Variants in AUTS2 observed in about 807,000 individuals in gnomAD.
AUTS2 encodes activator of transcription and developmental regulator AUTS2, also known as autism susceptibility gene 2 protein.
A neutral mutation model predicts 112.4 loss-of-function variants in AUTS2; 17 were observed. That is an observed-to-expected ratio of 0.15 (90% CI 0.10 to 0.23). The LOEUF (loss-of-function observed/expected upper bound fraction) is 0.23, where lower values mean the gene tolerates loss of function less well. Ranked by LOEUF, AUTS2 falls within the 10% of genes least tolerant of loss-of-function variation. AUTS2 has a pLI of 1.00. For synonymous variants in AUTS2, 751 were observed against 702.7 expected (o/e 1.07, Z -1.09); for missense variants, 1,510 against 1,701.6 (o/e 0.89, Z 1.98).
chr7:70,755,607 C>G (rs901393875), intron 6 of AUTS2, among the ~76,000 whole-genome samples: 1 of 151,770 alleles, frequency 6.6e-6, no homozygotes, highest in Non-Finnish European at 1.5e-5. Flanking sequence ...GAGGCAGAGG[C>G]TGCAGTGAGC....
intron 1 of AUTS2, among the ~76,000 whole-genome samples, chr7:69,862,501 C>T (rs1387073147): frequency 1.3e-5 from 2 of 151,952 alleles, no homozygotes; most frequent in Non-Finnish European, 2.9e-5. Context: ...GGTAAGTGTC[C>T]CTGTAGGATG....
At chr7:69,742,353 G>A (rs1337676098) in intron 1 of AUTS2, among the ~76,000 whole-genome samples, 1 of 151,984 alleles carries the variant, frequency 6.6e-6, no homozygotes, top group African/African-American at 2.4e-5. Flanking sequence ...CAGTTCTAGG[G>A]GGAAAGATTT....
intron 4 of AUTS2, among the ~76,000 whole-genome samples, chr7:70,306,743 T>A (rs185583751): frequency 5.9e-5 from 9 of 152,342 alleles, no homozygotes; most frequent in Non-Finnish European, 1.3e-4. Context: ...GTAATGAGGT[T>A]AAATTGTAGT....
chr7:70,263,204 A>C (rs965947165), intron 4 of AUTS2, among the ~76,000 whole-genome samples: 6 of 152,086 alleles, frequency 3.9e-5, no homozygotes, highest in African/African-American at 1.2e-4. Context: ...GAGTATTTGG[A>C]CCAAGTAGCA....
At chr7:70,273,425 A>G (rs941364942) in intron 4 of AUTS2, among the ~76,000 whole-genome samples, 1 of 152,136 alleles carries the variant, frequency 6.6e-6, no homozygotes, top group Non-Finnish European at 1.5e-5. Context: ...GACATACATA[A>G]TAAAATTTCT....
intron 5 of AUTS2, among the ~76,000 whole-genome samples, chr7:70,640,439 A>AC (rs1374914486): frequency 2.0e-5 from 3 of 151,312 alleles, no homozygotes; most frequent in African/African-American, 7.3e-5. Context: ...AAAAAAAAAA[A>AC]AAACCATAAA....
chr7:69,876,349 A>AAAAAAAATATATAT (rs1554396465), intron 1 of AUTS2, among the ~76,000 whole-genome samples: 1 of 29,494 alleles, frequency 3.4e-5, no homozygotes, highest in African/African-American at 1.5e-4. Context: ...AAAAAAAAAA[A>AAAAAAAATATATAT]ATATATATAT....
intron 1 of AUTS2, among the ~76,000 whole-genome samples, chr7:69,649,587 C>T (rs1451960700): frequency 6.6e-6 from 1 of 151,916 alleles, no homozygotes; most frequent in Non-Finnish European, 1.5e-5. Flanking sequence ...CAAAGACTTA[C>T]AACCTTTCTC....
At chr7:70,343,546 T>C (rs1041914478) in intron 4 of AUTS2, among the ~76,000 whole-genome samples, 3 of 152,308 alleles carry the variant, frequency 2.0e-5, no homozygotes, top group African/African-American at 7.2e-5. Flanking sequence ...TTAAAAGTAC[T>C]ATATGATAAA....
intron 5 of AUTS2, among the ~76,000 whole-genome samples, chr7:70,592,444 A>G (rs769464337): frequency 1.3e-5 from 2 of 151,644 alleles, no homozygotes; most frequent in African/African-American, 2.4e-5. Context: ...GCTCACTGCA[A>G]CCTCCGCCTC....
intron 4 of AUTS2, among the ~76,000 whole-genome samples, chr7:70,158,414 A>C (rs1227481083): frequency 2.0e-5 from 3 of 152,220 alleles, no homozygotes; most frequent in African/African-American, 7.2e-5. Flanking sequence ...TAGAACACAA[A>C]ATTGACAGGA....
At chr7:69,908,446 G>T (rs918792681) in intron 2 of AUTS2, among the ~76,000 whole-genome samples, 5 of 152,194 alleles carry the variant, frequency 3.3e-5, no homozygotes, top group African/African-American at 9.6e-5. Context: ...ACACCTAGGG[G>T]TGTGCATCCT....
intron 5 of AUTS2, among the ~76,000 whole-genome samples, chr7:70,670,654 G>C (rs574500790): frequency 7.6e-6 from 1 of 131,522 alleles, no homozygotes; most frequent in Non-Finnish European, 1.7e-5. Flanking sequence ...AGCCTTGGCT[G>C]ACACCTCCAT....
At chr7:70,370,011 G>A (rs920182945) in intron 4 of AUTS2, among the ~76,000 whole-genome samples, 2 of 152,166 alleles carry the variant, frequency 1.3e-5, no homozygotes, top group Middle Eastern at 3.2e-3. Flanking sequence ...GCTATCAACA[G>A]GCAACATTTA....
intron 1 of AUTS2, among the ~76,000 whole-genome samples, chr7:69,658,213 T>C (rs78792607): frequency 0.016 from 2,362 of 152,358 alleles, 63 homozygotes; most frequent in African/African-American, 0.05. Context: ...CCATATGGCC[T>C]GAATAGCCTA....
intron 2 of AUTS2, among the ~76,000 whole-genome samples, chr7:69,998,154 A>C (rs1417477190): frequency 6.6e-6 from 1 of 151,980 alleles, no homozygotes; most frequent in Non-Finnish European, 1.5e-5. Context: ...GAGTGATTTG[A>C]TTATTCTTTC....
intron 1 of AUTS2, among the ~76,000 whole-genome samples, chr7:69,610,057 C>T (rs534379084): frequency 6.6e-6 from 1 of 152,316 alleles, no homozygotes; most frequent in Non-Finnish European, 1.5e-5. Context: ...TATGTGGTTG[C>T]AGAGAACCCA....
chr7:70,416,474 C>G (rs145529668), intron 4 of AUTS2, among the ~76,000 whole-genome samples: 3 of 152,192 alleles, frequency 2.0e-5, no homozygotes, highest in Admixed American at 6.5e-5. Flanking sequence ...CTTGCCCAAG[C>G]TCAATGCTCT....
intron 2 of AUTS2, among the ~76,000 whole-genome samples, chr7:70,025,789 T>TTTA (rs1259920716): frequency 6.6e-6 from 1 of 151,090 alleles, no homozygotes; most frequent in Non-Finnish European, 1.5e-5. Flanking sequence ...TTTTTTTTTT[T>TTTA]TTTTTTAATA....
Sources: allele counts gnomAD v4.1 joint callset (sites outside exome capture counted in the v4.1 genomes callset), GRCh38; gene constraint gnomAD v4.1.1; transcripts MANE v1.5; gene names NCBI Gene and HGNC (gene_info 2026-07-23, HGNC 2026-07-21).